Variants in EYA1 observed in about 807,000 individuals in gnomAD.
EYA1 encodes the protein EYA transcriptional coactivator and phosphatase 1.
Under a neutral mutation model 82.0 loss-of-function variants are expected in EYA1, and 16 were observed. The observed-to-expected ratio is 0.20, with a 90% CI of 0.13 to 0.30. The LOEUF is 0.30. Among genes scored for constraint, EYA1 ranks in the 10% least tolerant of loss-of-function variants. The probability of loss-of-function intolerance (pLI) is 1.00; values close to 1 mark genes in which losing one functional copy is unlikely to be tolerated. For missense variants in EYA1, 633 were observed against 730.7 expected, an observed-to-expected ratio of 0.87 and a Z score of 1.54; for synonymous variants, 261 against 264.4, an observed-to-expected ratio of 0.99 and a Z score of 0.12.
At chr8:71,410,106 A>G (rs1427534439) in intron 2 of EYA1, among the ~76,000 whole-genome samples, 1 of 152,102 alleles carries the variant, frequency 6.6e-6, no homozygotes, top group East Asian at 1.9e-4. Flanking sequence ...TCCAGCATAT[A>G]AACAGAGCCA....
chr8:71,381,712 G>A (rs189506827), intron 2 of EYA1, among the ~76,000 whole-genome samples: 401 of 152,300 alleles, frequency 2.6e-3, no homozygotes, highest in African/African-American at 9.2e-3. Context: ...AAATTGCTTT[G>A]AAGAATCTTC....
intron 17 of EYA1, among the ~76,000 whole-genome samples, chr8:71,202,202 C>T (rs1165488967): frequency 6.6e-6 from 1 of 151,846 alleles, no homozygotes; most frequent in African/African-American, 2.4e-5. Context: ...AATCAGAATC[C>T]TGCACTGAAG....
intron 2 of EYA1, among the ~76,000 whole-genome samples, chr8:71,481,548 C>G (rs1358949582): frequency 2.6e-5 from 4 of 152,104 alleles, no homozygotes; most frequent in African/African-American, 4.8e-5. Context: ...CGGGACTATG[C>G]AAGATGCTGA....
At chr8:71,481,155 T>C (rs934082462) in intron 2 of EYA1, among the ~76,000 whole-genome samples, 3 of 152,186 alleles carry the variant, frequency 2.0e-5, no homozygotes, top group African/African-American at 7.2e-5. Context: ...TTTTACTCCA[T>C]TGCTTTAGAA....
At chr8:71,468,826 C>A (rs993968269) in intron 2 of EYA1, among the ~76,000 whole-genome samples, 4 of 152,102 alleles carry the variant, frequency 2.6e-5, no homozygotes, top group African/African-American at 9.7e-5. Flanking sequence ...TTTAACATTG[C>A]AAATTTAGTA....
chr8:71,489,207 G>T (rs1023529384), intron 2 of EYA1, among the ~76,000 whole-genome samples: 1 of 152,012 alleles, frequency 6.6e-6, no homozygotes, highest in Non-Finnish European at 1.5e-5. Flanking sequence ...CTCTTTTTCT[G>T]GCTTTCCACC....
At chr8:71,452,473 C>A (rs534970383) in intron 2 of EYA1, among the ~76,000 whole-genome samples, 1 of 152,326 alleles carries the variant, frequency 6.6e-6, no homozygotes, top group Admixed American at 6.5e-5. Flanking sequence ...ACTGCCTCCT[C>A]AAGTGGGTCT....
At chr8:71,482,292 G>T (rs1810226145) in intron 2 of EYA1, among the ~76,000 whole-genome samples, 1 of 152,112 alleles carries the variant, frequency 6.6e-6, no homozygotes, top group South Asian at 2.1e-4. Flanking sequence ...ATACGAAAAG[G>T]TGTTCAATGT....
intron 16 of EYA1, among the ~76,000 whole-genome samples, chr8:71,213,959 G>A (rs1808856951): frequency 6.6e-6 from 1 of 152,136 alleles, no homozygotes; most frequent in South Asian, 2.1e-4. Flanking sequence ...GACAAACCCA[G>A]TCCTCAAGAT....
intron 2 of EYA1, among the ~76,000 whole-genome samples, chr8:71,518,791 C>T (rs751760934): frequency 2.6e-5 from 4 of 152,054 alleles, no homozygotes; most frequent in South Asian, 2.1e-4. Flanking sequence ...TGGCAAGAAA[C>T]GGGGTTGACA....
intron 16 of EYA1, among the ~76,000 whole-genome samples, chr8:71,213,066 T>C (rs11993577): frequency 0.33 from 50,121 of 151,594 alleles, 8,796 homozygotes; most frequent in East Asian, 0.68. Context: ...AGACTCCATG[T>C]CAAAAGAAAA....
At chr8:71,271,937 TC>T in intron 9 of EYA1, 40 bp from the exon 10 acceptor site, 5 of 1,612,178 alleles carry the variant, frequency 3.1e-6, no homozygotes, top group Non-Finnish European at 3.4e-6. Flanking sequence ...TTTATTTCCA[TC>T]ACCATGGTGC....
chr8:71,544,859 T>C (rs1248184114), intron 1 of EYA1, among the ~76,000 whole-genome samples: 1 of 152,238 alleles, frequency 6.6e-6, no homozygotes, highest in East Asian at 1.9e-4. Context: ...TTCATTTCTG[T>C]GAAATTCTCA....
Position 71,431,367 on chromosome 8 carries a change from C to T in EYA1, c.34-74856G>A, listed in dbSNP as rs1777428005. On this transcript the variant is annotated intron_variant, in intron 2 of 18. Coordinates refer to the EYA1 transcript ENST00000643681. ...TTCTTGAATACAATACTTTCTTTTG[C>T]TTTCCTTTTGCCACCGCTCCAGTCT... Among the ~76,000 whole-genome samples, 3 of 152,084 alleles carry T rather than the reference C, an allele frequency of 2.0e-5. No homozygotes were observed. In the South Asian group the frequency reaches 6.2e-4, roughly 32 times the overall value.
chr8:71,356,977 C>T (rs1826949582), intron 1 of EYA1, among the ~76,000 whole-genome samples: 1 of 152,190 alleles, frequency 6.6e-6, no homozygotes, highest in African/African-American at 2.4e-5. Context: ...TCCCGCCCAC[C>T]CCTTTGACTC....
chr8:71,370,107 T>A (rs1457441360), intron 2 of EYA1, among the ~76,000 whole-genome samples: 1 of 152,094 alleles, frequency 6.6e-6, no homozygotes, highest in Non-Finnish European at 1.5e-5. Flanking sequence ...GTTATCTTAA[T>A]ACTGGTTCAT....
In EYA1 at chr8:71,355,009, A is replaced by G. The variant is rs1280012186; in HGVS notation, c.-4-100T>C. ...ACACCTTTGAAACACACTTGCACAA[A>G]AGTCCCATTGTATCTATTTCTTAGA... On this transcript the variant is annotated intron_variant, in intron 2 of 17. Transcript: ENST00000340726. The G allele has an allele frequency of 2.5e-6, 3 of 1,193,834 alleles. No homozygotes were observed. The East Asian group carries it at 7.4e-5, about 29-fold the overall frequency. 74.0% of individuals were successfully genotyped at this position (1,193,834 alleles called of 1,614,324 possible). A position where few individuals can be genotyped will look rare whatever the true frequency, so the allele number is the denominator to read the frequency against.
chr8:71,279,948 G>A (rs911289046), intron 9 of EYA1, among the ~76,000 whole-genome samples: 4 of 152,170 alleles, frequency 2.6e-5, no homozygotes, highest in Non-Finnish European at 5.9e-5. Context: ...TGGGCCACAC[G>A]GTCTCTGTTG....
At position 71,284,784 on chromosome 8, in the gene EYA1, A is replaced by G. The variant is rs547399842; in HGVS notation, c.827-12887T>C. Reference sequence around the variant, plus strand: ...CCCATTTAAAGTGGTCTATTTCTCTAGCCTCAAATAAATATCCCTTCCCTA... The same window carrying G: ...CCCATTTAAAGTGGTCTATTTCTCTGGCCTCAAATAAATATCCCTTCCCTA... On this transcript the variant is annotated intron_variant, in intron 9 of 17. Transcript: ENST00000340726. Among the ~76,000 whole-genome samples the G allele has an allele frequency of 4.6e-5, 7 of 152,316 alleles. No homozygotes were observed. The South Asian group carries it at 1.5e-3, about 32-fold the overall frequency.
Sources: gnomAD v4.1 joint callset for allele counts (sites outside exome capture counted in the v4.1 genomes callset) on GRCh38, gnomAD v4.1.1 for gene constraint, MANE v1.5 for transcripts, NCBI Gene and HGNC (gene_info 2026-07-23, HGNC 2026-07-21) for gene names.